The following LOC400499 variants were observed in gnomAD, a reference collection of about 807,000 sequenced individuals.
chr16:11,401,276 T>C, the LOC400499 span: 3 of 399,118 alleles, frequency 7.5e-6, no homozygotes, highest in Non-Finnish European at 1.3e-5. Context: ...CTGCCGGCTC[T>C]GCCTGCCACC....
chr16:11,417,424 G>C, the LOC400499 span, among the ~76,000 whole-genome samples: 2,461 of 152,232 alleles, frequency 0.016, 82 homozygotes, highest in African/African-American at 0.056. Flanking sequence ...CAGTGTGTGG[G>C]ACTTTGTTGT....
chr16:11,427,350 CAAAAAA>C, the LOC400499 span, among the ~76,000 whole-genome samples: 1,802 of 38,700 alleles, frequency 0.047, 20 homozygotes, highest in African/African-American at 0.096. Flanking sequence ...CTCCATCTCA[CAAAAAA>C]AAAAAAAAAA....
the LOC400499 span, among the ~76,000 whole-genome samples, chr16:11,411,798 C>T: frequency 6.6e-6 from 1 of 152,076 alleles, no homozygotes; most frequent in African/African-American, 2.4e-5. Context: ...CACATAGCAC[C>T]CCTCCCCTCA....
the LOC400499 span, among the ~76,000 whole-genome samples, chr16:11,494,984 G>A: frequency 2.0e-5 from 3 of 152,152 alleles, no homozygotes; most frequent in East Asian, 5.8e-4. Context: ...CAAGGCAGGT[G>A]GATCACCTGA....
At chr16:11,424,866 C>A in the LOC400499 span, among the ~76,000 whole-genome samples, 1 of 152,112 alleles carries the variant, frequency 6.6e-6, no homozygotes, top group Non-Finnish European at 1.5e-5. Flanking sequence ...GGTGGGAGGC[C>A]TGGAGGGCTG....
the LOC400499 span, among the ~76,000 whole-genome samples, chr16:11,471,086 A>AG: frequency 6.6e-6 from 1 of 152,164 alleles, no homozygotes; most frequent in Non-Finnish European, 1.5e-5. Context: ...CAGAAGCCAT[A>AG]GGGGGGCAGT....
At chr16:11,479,702 T>C in the LOC400499 span, among the ~76,000 whole-genome samples, 2 of 152,148 alleles carry the variant, frequency 1.3e-5, no homozygotes, top group Admixed American at 6.6e-5. Context: ...TCAACTGATT[T>C]CCCCATTGTT....
At chr16:11,380,967 G>A in the LOC400499 span, 1 of 159,688 alleles carries the variant, frequency 6.3e-6, no homozygotes, top group African/African-American at 2.4e-5. Context: ...AGACCATGAA[G>A]TTGATTCCTG....
chr16:11,510,000 A>G, the LOC400499 span, among the ~76,000 whole-genome samples: 1 of 148,838 alleles, frequency 6.7e-6, no homozygotes, highest in African/African-American at 2.5e-5. Flanking sequence ...ACCATGTCAC[A>G]CATCACCTTG....
chr16:11,509,703 C>T, the LOC400499 span, among the ~76,000 whole-genome samples: 26 of 151,924 alleles, frequency 1.7e-4, no homozygotes, highest in East Asian at 4.7e-3. Context: ...TGGTGGCAGG[C>T]GCCTGTAATC....
At chr16:11,426,303 G>A in the LOC400499 span, among the ~76,000 whole-genome samples, 2 of 152,142 alleles carry the variant, frequency 1.3e-5, no homozygotes, top group South Asian at 2.1e-4. Context: ...AGGTGTGGTG[G>A]CGCATGCCTG....
At chr16:11,456,347 C>T in the LOC400499 span, among the ~76,000 whole-genome samples, 10 of 152,062 alleles carry the variant, frequency 6.6e-5, no homozygotes, top group East Asian at 1.9e-4. Flanking sequence ...CATTCCCAGC[C>T]GGTGGATTCA....
chr16:11,430,039 G>A, the LOC400499 span, among the ~76,000 whole-genome samples: 10 of 152,102 alleles, frequency 6.6e-5, no homozygotes, highest in Non-Finnish European at 7.4e-5. Context: ...TGTCACCAAC[G>A]TTGGACAAAC....
the LOC400499 span, among the ~76,000 whole-genome samples, chr16:11,478,852 G>A: frequency 1.3e-4 from 20 of 152,270 alleles, no homozygotes; most frequent in South Asian, 1.0e-3. Context: ...GGTCCTTCCC[G>A]TGCTGTTCGC....
the LOC400499 span, among the ~76,000 whole-genome samples, chr16:11,393,728 C>T: frequency 7.9e-5 from 12 of 151,074 alleles, no homozygotes; most frequent in African/African-American, 2.7e-4. Context: ...GCACCAGGTT[C>T]CCCACGCCAT....
At chr16:11,447,844 C>T in the LOC400499 span, 3 of 1,431,526 alleles carry the variant, frequency 2.1e-6, no homozygotes, top group Middle Eastern at 1.8e-4. Context: ...CTCCAGGTAG[C>T]TCTGCCCATC....
the LOC400499 span, chr16:11,471,736 A>G: frequency 5.0e-6 from 2 of 399,114 alleles, no homozygotes; most frequent in East Asian, 3.6e-5. Flanking sequence ...GGCCGCGAAC[A>G]CAGGCAATGA....
the LOC400499 span, chr16:11,413,040 T>C: frequency 3.3e-5 from 13 of 397,620 alleles, no homozygotes; most frequent in African/African-American, 2.1e-4. Context: ...CCGAGCTCTA[T>C]AGCCCAGCAC....
the LOC400499 span, among the ~76,000 whole-genome samples, chr16:11,409,891 A>G: frequency 1.3e-5 from 2 of 152,346 alleles, no homozygotes; most frequent in East Asian, 3.9e-4. Flanking sequence ...AGAAAGATGG[A>G]AAGATATTAA....
Sources: gnomAD v4.1 joint callset for allele counts (sites outside exome capture counted in the v4.1 genomes callset) on GRCh38, gnomAD v4.1.1 for gene constraint, MANE v1.5 for transcripts.